The following SEC14L5 variants were observed in gnomAD, a reference collection of about 807,000 sequenced individuals.
SEC14L5 encodes the protein SEC14-like protein 5.
A neutral mutation model predicts 84.6 loss-of-function variants in SEC14L5; 96 were observed. The observed-to-expected ratio is 1.13, with a 90% confidence interval of 0.96 to 1.34. SEC14L5 has a LOEUF of 1.34. Ranked by LOEUF, SEC14L5 falls within the 40% of genes most tolerant of loss-of-function variation. The probability of loss-of-function intolerance (pLI) is 0.00; values close to 1 mark genes in which losing one functional copy is unlikely to be tolerated. For missense variants in SEC14L5, 1,224 were observed against 942.5 expected, an observed-to-expected ratio of 1.30 and a Z score of -3.91; for synonymous variants, 546 against 383.4, an observed-to-expected ratio of 1.42 and a Z score of -4.95.
intron 2 of SEC14L5, among the ~76,000 whole-genome samples, chr16:4,966,941 C>G (rs139886193): frequency 1.2e-4 from 18 of 152,202 alleles, no homozygotes; most frequent in African/African-American, 4.3e-4. Flanking sequence ...CCGGCCAAGC[C>G]CGGGAGTGTT....
chr16:4,967,832 C>G (rs1036928935), intron 2 of SEC14L5, among the ~76,000 whole-genome samples: 6 of 151,052 alleles, frequency 4.0e-5, no homozygotes, highest in Non-Finnish European at 7.4e-5. Context: ...CACTTGAACT[C>G]CTGACCTCAG....
chr16:5,012,300 T>C lies in SEC14L5; in HGVS notation c.1979+1027T>C, dbSNP rs75426240. ...GGAAGGTTGTCTCTGGGAGGGCTGA[T>C]TCTGAGGCCGGGCATGTGGAGGCCA... On this transcript the variant is annotated intron_variant, in intron 15 of 15. Transcript: ENST00000251170. 4.9e-3 allele frequency among the ~76,000 whole-genome samples: 746 copies of C among 152,268 alleles called. 23 individuals carry two copies. In the East Asian group the frequency reaches 0.085, roughly 17 times the overall value.
Position 4,986,228 on chromosome 16 carries a change from T to C in SEC14L5, c.64-1329T>C, listed in dbSNP as rs577799971. ...GATTTCAGCTCACTGAAACCTCTGC[T>C]TCTTGGTTTCAAGTGATTCTTCTGC... On this transcript the variant is annotated intron_variant, in intron 2 of 15. Transcript: ENST00000251170. Among the ~76,000 whole-genome samples the C allele has an allele frequency of 1.9e-3, 295 of 152,100 alleles. 2 individuals are homozygous for C. Among genetic ancestry groups the C allele is most frequent in the African/African-American group, 6.5e-3 (270 of 41,482 alleles).
rs371024547 is a variant in SEC14L5, at chr16:5,008,628, C to T, written c.1780C>T (p.Arg594Trp). 1.4e-5 allele frequency: 22 copies of T among 1,605,828 alleles called. No homozygotes were observed. Among genetic ancestry groups the T allele is most frequent in the African/African-American group, 8.1e-5 (6 of 74,236 alleles). Residue 594 changes from arginine to tryptophan, a missense_variant, in exon 14 of 16, where the codon CGG (arginine) becomes TGG (tryptophan). Coordinates refer to ENST00000251170, the MANE Select transcript of SEC14L5 (RefSeq NM_014692.2). ...CCGTGTGGAGGCTCCCCTTGTCTGCCGGGAGGGGGAGAGCATCCAGGTTTG... is the reference window on the plus strand; with the variant it reads ...CCGTGTGGAGGCTCCCCTTGTCTGCTGGGAGGGGGAGAGCATCCAGGTTTG... ...YSRVEAPLVC[R>W]EGESIQGSHV...
chr16:4,981,634 C>T (rs759097643), intron 2 of SEC14L5, among the ~76,000 whole-genome samples: 3 of 152,088 alleles, frequency 2.0e-5, no homozygotes, highest in African/African-American at 4.8e-5. Flanking sequence ...TGACAACAAG[C>T]CCAGCTGCTG....
chr16:5,003,490 G>A lies in SEC14L5; in HGVS notation c.1219G>A (p.Val407Met). ...GVKALLRMIE[V>M]VEDNYPETLG... ...GAAGGCCCTGCTGCGGATGATTGAG[G>A]TGGTTGAGGACAATTACCCAGAGAC... The change falls in exon 11 of 16, where the codon GTG becomes ATG. Residue 407 changes from valine to methionine, a missense_variant. Transcript: ENST00000251170. The A allele has an allele frequency of 6.2e-7, 1 of 1,613,152 alleles. No homozygotes were observed. The highest frequency in any genetic ancestry group is 8.5e-7 in the Non-Finnish European group (1 of 1,179,568).
intron 15 of SEC14L5, among the ~76,000 whole-genome samples, chr16:5,014,600 G>A (rs926019244): frequency 5.9e-5 from 9 of 152,356 alleles, no homozygotes; most frequent in African/African-American, 1.7e-4. Flanking sequence ...GGGCTGTGGC[G>A]GCCTTAGGGC....
intron 8 of SEC14L5, among the ~76,000 whole-genome samples, chr16:4,999,681 G>T (rs914069047): frequency 2.0e-5 from 3 of 151,652 alleles, no homozygotes. Flanking sequence ...TTGGAAGGCC[G>T]AGGCGGCAGA....
chr16:4,962,615 G>C (rs1439080589), intron 2 of SEC14L5, among the ~76,000 whole-genome samples: 1 of 151,460 alleles, frequency 6.6e-6, no homozygotes, highest in Non-Finnish European at 1.5e-5. Flanking sequence ...TTAAACCCGG[G>C]AGGCGGAGGT....
chr16:4,972,399 C>T (rs1003223857), intron 2 of SEC14L5, among the ~76,000 whole-genome samples: 11 of 152,302 alleles, frequency 7.2e-5, no homozygotes, highest in Admixed American at 3.9e-4. Flanking sequence ...AGTACATTCA[C>T]GTTATTGTGC....
intron 2 of SEC14L5, among the ~76,000 whole-genome samples, chr16:4,977,796 A>G (rs899500002): frequency 6.6e-6 from 1 of 151,266 alleles, no homozygotes; most frequent in African/African-American, 2.4e-5. Flanking sequence ...TTTTTATTTT[A>G]TTTATTTATT....
At chr16:4,990,978 C>A (rs1955547661) in intron 5 of SEC14L5, 83 bp downstream of exon 5, 1 of 1,168,084 alleles carries the variant, frequency 8.6e-7, no homozygotes, top group Non-Finnish European at 1.2e-6. Flanking sequence ...CCTGGCAAGA[C>A]CCTTACCCTT....
At chr16:5,005,876 A>AAAAAC in intron 11 of SEC14L5, 38 bp from the exon 12 acceptor site, 1 of 1,505,770 alleles carries the variant, frequency 6.6e-7, no homozygotes. Context: ...AAAAAAAAAA[A>AAAAAC]AAAAAACCAT....
At chr16:5,003,615 GTGGGATGGGA>G in intron 11 of SEC14L5, 42 bp downstream of exon 11, 2 of 700,254 alleles carry the variant, frequency 2.9e-6, no homozygotes, top group African/African-American at 1.9e-5. Context: ...CTGGGGGTGG[GTGGGATGGGA>G]GGGGTTCCGT....
chr16:4,972,608 C>T (rs763552260), intron 2 of SEC14L5, among the ~76,000 whole-genome samples: 4 of 152,226 alleles, frequency 2.6e-5, no homozygotes, highest in Non-Finnish European at 4.4e-5. Context: ...GTCTCTGGCT[C>T]GTTTCACTGG....
At position 5,011,136 on chromosome 16, in the gene SEC14L5, G is replaced by C; in HGVS notation, c.1842G>C (p.Gln614His). The change falls in exon 15 of 16, where the codon CAG becomes CAC. Residue 614 changes from glutamine to histidine, a missense_variant. Physicochemically the swap from Gln to His is conservative, Grantham distance 24 (BLOSUM62 0). Transcript: ENST00000251170. ...VTRWPGVYLL[Q>H]WQMHSPPSSV... ...GGTGGCCCGGCGTCTACCTGCTCCA[G>C]TGGCAAATGCACAGCCCCCCCAGCA... 1 of 1,611,556 alleles carries C rather than the reference G, an allele frequency of 6.2e-7. No homozygotes were observed. The highest frequency in any genetic ancestry group is 8.5e-7 in the Non-Finnish European group (1 of 1,178,996).
chr16:5,013,550 C>CTTTTTTTT (rs869041446), intron 15 of SEC14L5, among the ~76,000 whole-genome samples: 8 of 44,958 alleles, frequency 1.8e-4, no homozygotes, highest in East Asian at 7.2e-4. Context: ...GCTTGCCTGG[C>CTTTTTTTT]TTTTTTTTTT....
intron 2 of SEC14L5, among the ~76,000 whole-genome samples, chr16:4,980,589 TAGCGCCAAGGG>T (rs1955410435): frequency 6.6e-6 from 1 of 152,170 alleles, no homozygotes; most frequent in Non-Finnish European, 1.5e-5. Context: ...TTAGCATTGT[TAGCGCCAAGGG>T]TGTGCCGAGG....
intron 15 of SEC14L5, among the ~76,000 whole-genome samples, chr16:5,014,497 G>A (rs1306206171): frequency 1.3e-5 from 2 of 152,244 alleles, no homozygotes; most frequent in African/African-American, 2.4e-5. Context: ...CAGCGCACAC[G>A]AAGGCCACTG....
Sources: allele counts gnomAD v4.1 joint callset (sites outside exome capture counted in the v4.1 genomes callset), GRCh38; gene constraint gnomAD v4.1.1; transcripts MANE v1.5; gene names NCBI Gene and HGNC (gene_info 2026-07-23, HGNC 2026-07-21).